Variants in LGR4 observed in about 807,000 individuals in gnomAD.
LGR4 encodes the protein leucine-rich repeat-containing G protein-coupled receptor 4.
LGR4 carries 44 observed loss-of-function variants against 84.8 expected under a neutral mutation model. The ratio of observed to expected loss-of-function variants is 0.52; its 90% CI spans 0.41 to 0.67. The LOEUF (loss-of-function observed/expected upper bound fraction) is 0.67, where lower values mean the gene tolerates loss of function less well. Among genes scored for constraint, LGR4 ranks in the 30% least tolerant of loss-of-function variants. The probability of loss-of-function intolerance (pLI) is 0.00; values close to 1 mark genes in which losing one functional copy is unlikely to be tolerated. For synonymous variants in LGR4, 429 were observed against 434.3 expected (o/e 0.99, Z 0.15); for missense variants, 1,032 against 1,131.4 (o/e 0.91, Z 1.26).
rs75026066 is a variant in LGR4, at chr11:27,418,091, C to G, written c.186-5231G>C. On this transcript the variant is annotated intron_variant, in intron 1 of 17. Transcript: ENST00000379214. ...ATGCACATATGTGCAAGGTACTGTA[C>G]GTGGATAGTAAGGCTTTTATGTCAA... Among the ~76,000 whole-genome samples, 52 of 152,192 alleles carry G rather than the reference C, an allele frequency of 3.4e-4. No individual in the cohort carries two copies. In the East Asian group the frequency reaches 9.8e-3, roughly 29 times the overall value.
intron 1 of LGR4, among the ~76,000 whole-genome samples, chr11:27,425,845 T>C (rs749128122): frequency 1.3e-5 from 2 of 152,200 alleles, no homozygotes; most frequent in African/African-American, 4.8e-5. Flanking sequence ...ATGAAAAACT[T>C]AAACTTATGG....
At chr11:27,402,851 C>T (rs1863529116) in intron 2 of LGR4, among the ~76,000 whole-genome samples, 1 of 152,152 alleles carries the variant, frequency 6.6e-6, no homozygotes, top group South Asian at 2.1e-4. Flanking sequence ...ATGGCTGCAG[C>T]TCCAGTACAC....
At chr11:27,388,396 G>T (rs1409440773) in intron 4 of LGR4, among the ~76,000 whole-genome samples, 1 of 152,136 alleles carries the variant, frequency 6.6e-6, no homozygotes, top group Non-Finnish European at 1.5e-5. Flanking sequence ...ATGCTGAAAA[G>T]CATCAGCTAT....
intron 1 of LGR4, among the ~76,000 whole-genome samples, chr11:27,444,066 A>T (rs988582947): frequency 1.3e-5 from 2 of 150,868 alleles, no homozygotes; most frequent in African/African-American, 4.9e-5. Flanking sequence ...TCAATGAGGC[A>T]TTACACGCCT....
intron 2 of LGR4, among the ~76,000 whole-genome samples, chr11:27,395,354 T>TAA (rs34634648): frequency 4.9e-5 from 7 of 143,252 alleles, no homozygotes; most frequent in African/African-American, 1.8e-4. Context: ...GCTGGGCTCA[T>TAA]AAAAAAAAAA....
chr11:27,367,799 T>C lies in LGR4; in HGVS notation c.*68A>G. Reference sequence around the variant, plus strand: ...ACAGAAGTGCTTCCCAGATGAAAGATGAGAATAGGGTTCACTCTATAAACA... The same window carrying C: ...ACAGAAGTGCTTCCCAGATGAAAGACGAGAATAGGGTTCACTCTATAAACA... On this transcript the variant is annotated 3_prime_UTR_variant, in exon 18 of 18. Coordinates refer to ENST00000379214, the MANE Select transcript of LGR4 (RefSeq NM_018490.5). 8.6e-7 allele frequency: 1 copy of C among 1,158,024 alleles called. No homozygotes were observed. Among genetic ancestry groups the C allele is most frequent in the Non-Finnish European group, 1.2e-6 (1 of 818,828 alleles). 71.7% of individuals were successfully genotyped at this position (1,158,024 alleles called of 1,614,324 possible). A position where few individuals can be genotyped will look rare whatever the true frequency, so the allele number is the denominator to read the frequency against.
intron 1 of LGR4, among the ~76,000 whole-genome samples, chr11:27,447,100 G>A (rs983674786): frequency 6.6e-6 from 1 of 151,888 alleles, no homozygotes; most frequent in Non-Finnish European, 1.5e-5. Context: ...CAAGTTAACG[G>A]GTGCAGCACA....
At chr11:27,379,479 T>G (rs1029640089) in intron 10 of LGR4, among the ~76,000 whole-genome samples, 1 of 152,208 alleles carries the variant, frequency 6.6e-6, no homozygotes, top group African/African-American at 2.4e-5. Flanking sequence ...TTAAACATTC[T>G]CAACACCTCC....
intron 1 of LGR4, among the ~76,000 whole-genome samples, chr11:27,432,634 C>T (rs1025054788): frequency 2.0e-5 from 3 of 152,220 alleles, no homozygotes; most frequent in African/African-American, 7.2e-5. Context: ...ATTACTAGGA[C>T]ATCCGAGAGT....
chr11:27,428,688 T>C (rs1480783589), intron 1 of LGR4, among the ~76,000 whole-genome samples: 1 of 152,240 alleles, frequency 6.6e-6, no homozygotes, highest in Non-Finnish European at 1.5e-5. Flanking sequence ...CAGTAGAACT[T>C]TGTTACTGAA....
At chr11:27,440,094 C>A (rs1864279229) in intron 1 of LGR4, among the ~76,000 whole-genome samples, 1 of 151,966 alleles carries the variant, frequency 6.6e-6, no homozygotes, top group African/African-American at 2.4e-5. Flanking sequence ...TTAGTAGAGA[C>A]GTGGTTTCAC....
intron 12 of LGR4, 128 bp from the exon 13 acceptor site, chr11:27,376,498 C>T: frequency 2.0e-6 from 1 of 491,852 alleles, no homozygotes; most frequent in Non-Finnish European, 3.6e-6. Flanking sequence ...AACATTATAA[C>T]ATTTCTTAGT....
chr11:27,371,564 G>T (rs767005392), intron 17 of LGR4, 51 bp downstream of exon 17: 3 of 1,219,400 alleles, frequency 2.5e-6, no homozygotes, highest in Non-Finnish European at 3.6e-6. Context: ...AGATATATTT[G>T]CCTAATGTTT....
rs1480856924 is a variant in LGR4, at chr11:27,377,168, G to C, written c.1099C>G (p.Leu367Val). 1 of 1,585,564 alleles carries C rather than the reference G, an allele frequency of 6.3e-7. No individual in the cohort carries two copies. The highest frequency in any genetic ancestry group is 1.4e-5 in the African/African-American group (1 of 73,946). ...DLPSFNGCHA[L>V]EEISLQRNQI... ...CAAAGACCAACTCACATTTCTTCCAGAGCATGGCAACCATTAAAACTTGGA... is the reference window on the plus strand; with the variant it reads ...CAAAGACCAACTCACATTTCTTCCACAGCATGGCAACCATTAAAACTTGGA... The change falls in exon 12 of 18, where the codon CTG (leucine) becomes GTG (valine). Residue 367 changes from leucine (L) to valine (V), a missense_variant. Transcript: ENST00000379214.
chr11:27,470,375 T>C (rs779881528), intron 1 of LGR4, among the ~76,000 whole-genome samples: 2 of 152,220 alleles, frequency 1.3e-5, no homozygotes, highest in Non-Finnish European at 2.9e-5. Flanking sequence ...CGTTTCCTTA[T>C]AGGACAAGTC....
intron 1 of LGR4, among the ~76,000 whole-genome samples, chr11:27,459,711 A>AGG (rs1864647039): frequency 6.6e-6 from 1 of 150,398 alleles, no homozygotes; most frequent in Admixed American, 6.6e-5. Flanking sequence ...TCCTGACCTC[A>AGG]TGATCCACCC....
intron 3 of LGR4, among the ~76,000 whole-genome samples, chr11:27,391,703 A>T (rs1012232914): frequency 8.5e-5 from 13 of 152,086 alleles, no homozygotes; most frequent in Admixed American, 2.0e-4. Flanking sequence ...TAGAGCTTTG[A>T]TCATCTACTA....
At chr11:27,465,572 G>A (rs1252179388) in intron 1 of LGR4, among the ~76,000 whole-genome samples, 2 of 152,206 alleles carry the variant, frequency 1.3e-5, no homozygotes, top group African/African-American at 4.8e-5. Context: ...AGTGAACTCA[G>A]AGTATACTAG....
chr11:27,449,802 C>G (rs1864452658), intron 1 of LGR4, among the ~76,000 whole-genome samples: 1 of 152,086 alleles, frequency 6.6e-6, no homozygotes, highest in South Asian at 2.1e-4. Flanking sequence ...AAAAACACTC[C>G]AGAAAATATA....
Sources: allele counts gnomAD v4.1 joint callset (sites outside exome capture counted in the v4.1 genomes callset), GRCh38; gene constraint gnomAD v4.1.1; transcripts MANE v1.5; gene names NCBI Gene and HGNC (gene_info 2026-07-23, HGNC 2026-07-21).